The following MALRD1 variants were observed in gnomAD, a reference collection of about 807,000 sequenced individuals.
MALRD1 encodes the protein MAM and LDL-receptor class A domain-containing protein 1.
MALRD1 carries 247 observed loss-of-function variants against 242.1 expected under a neutral mutation model. That is an observed-to-expected ratio of 1.02 (90% CI 0.92 to 1.13). The LOEUF (loss-of-function observed/expected upper bound fraction) is 1.13. Among genes scored for constraint, MALRD1 ranks in the 50% most tolerant of loss-of-function variants. The pLI is 0.00. For synonymous variants in MALRD1, 995 were observed against 866.6 expected (o/e 1.15, Z -2.60); for missense variants, 2,989 against 2,533.1 (o/e 1.18, Z -3.86).
chr10:19,299,044 A>G (rs1387733800), intron 21 of MALRD1, among the ~76,000 whole-genome samples: 1 of 151,996 alleles, frequency 6.6e-6, no homozygotes, highest in Non-Finnish European at 1.5e-5. Context: ...GCAGGCTTCT[A>G]CAAAAGAGAT....
At chr10:19,048,012 C>T (rs1442649216), upstream of MALRD1, among the ~76,000 whole-genome samples, 5 of 152,124 alleles carry the variant, frequency 3.3e-5, no homozygotes, top group African/African-American at 9.7e-5. Context: ...ATAATATTCA[C>T]GCTCATAAGA....
At chr10:19,345,102 ACG>A (rs1317133723) in intron 24 of MALRD1, among the ~76,000 whole-genome samples, 5 of 152,138 alleles carry the variant, frequency 3.3e-5, no homozygotes, top group African/African-American at 1.2e-4. Flanking sequence ...CATCACAGTG[ACG>A]TGAAATTCAA....
rs557026816 is a variant in MALRD1 at position 19,188,274 on chromosome 10, C to G, written c.1951+12946C>G. Among the ~76,000 whole-genome samples the G allele has an allele frequency of 5.9e-5, 9 of 152,264 alleles. No homozygotes were observed. The East Asian group carries it at 1.2e-3, about 20-fold the overall frequency. ...ATAGTTGCTAAGCAAGGAAAATAGC[C>G]TACTAGGAGAAACTGGGACGTGGCT... On this transcript the variant is annotated intron_variant, in intron 14 of 39. Transcript: ENST00000454679.
intron 38 of MALRD1, among the ~76,000 whole-genome samples, chr10:19,713,005 T>C (rs1412073053): frequency 6.6e-6 from 1 of 150,558 alleles, no homozygotes; most frequent in African/African-American, 2.5e-5. Flanking sequence ...CAATGTTTTG[T>C]AAAATATAAT....
At chr10:19,699,373 G>A (rs1029175322) in intron 38 of MALRD1, among the ~76,000 whole-genome samples, 3 of 150,500 alleles carry the variant, frequency 2.0e-5, no homozygotes, top group African/African-American at 5.0e-5. Context: ...GCAGATCCAC[G>A]GAAGACGTGA....
intron 26 of MALRD1, among the ~76,000 whole-genome samples, chr10:19,363,322 A>G (rs574652854): frequency 6.6e-6 from 1 of 152,252 alleles, no homozygotes; most frequent in East Asian, 1.9e-4. Context: ...AGAGATAAAG[A>G]AAAGGTAACA....
At chr10:19,053,156 G>C (rs1033666818) in intron 1 of MALRD1, among the ~76,000 whole-genome samples, 3 of 152,134 alleles carry the variant, frequency 2.0e-5, no homozygotes, top group African/African-American at 7.2e-5. Flanking sequence ...TAGTCACCAG[G>C]GTTACTTAGG....
intron 29 of MALRD1, among the ~76,000 whole-genome samples, chr10:19,475,090 C>A (rs777044449): frequency 6.6e-6 from 1 of 152,196 alleles, no homozygotes; most frequent in Admixed American, 6.5e-5. Flanking sequence ...GCAGATTTTG[C>A]TGAAGGATTT....
intron 5 of MALRD1, 36 bp downstream of exon 5, chr10:19,104,111 G>T: frequency 9.0e-7 from 1 of 1,111,788 alleles, no homozygotes; most frequent in East Asian, 3.2e-5. Context: ...TCTTTACTGT[G>T]TTTAAAGATT....
At chr10:19,057,295 A>G (rs1294716235) in intron 1 of MALRD1, among the ~76,000 whole-genome samples, 3 of 152,124 alleles carry the variant, frequency 2.0e-5, no homozygotes, top group African/African-American at 7.2e-5. Flanking sequence ...AGTTGCTGGC[A>G]CCATCAAGGT....
In MALRD1 at chr10:19,158,822, T is replaced by G. The variant is rs1032051432; in HGVS notation, c.1656+3650T>G. ...CAGTATAATAATAACACTCTACAAA[T>G]CTCTCTCAAAGAGTTTTAAAAGGCC... On this transcript the variant is annotated intron_variant, in intron 12 of 39. Coordinates refer to ENST00000454679, the MANE Select transcript of MALRD1 (RefSeq NM_001142308.3). Among the ~76,000 whole-genome samples the G allele has an allele frequency of 2.0e-5, 3 of 152,188 alleles. No homozygotes were observed. The East Asian group carries it at 5.8e-4, about 29-fold the overall frequency.
chr10:19,548,247 C>A (rs1589227349), intron 32 of MALRD1, among the ~76,000 whole-genome samples: 1 of 151,790 alleles, frequency 6.6e-6, no homozygotes, highest in African/African-American at 2.4e-5. Context: ...GATTTGCCCC[C>A]CTCTGCCGCC....
chr10:19,681,784 A>C (rs555488312), intron 36 of MALRD1, among the ~76,000 whole-genome samples: 6 of 151,080 alleles, frequency 4.0e-5, no homozygotes, highest in Non-Finnish European at 8.8e-5. Flanking sequence ...ATTCTTTCTC[A>C]TCTTCATGAC....
At chr10:19,299,825 C>T (rs1841866840) in intron 21 of MALRD1, among the ~76,000 whole-genome samples, 1 of 151,884 alleles carries the variant, frequency 6.6e-6, no homozygotes, top group Non-Finnish European at 1.5e-5. Context: ...AGGATGCCCA[C>T]TCTCGTCACT....
intron 26 of MALRD1, among the ~76,000 whole-genome samples, chr10:19,369,811 C>T (rs1845294400): frequency 6.6e-6 from 1 of 151,580 alleles, no homozygotes. Context: ...ACTCTAGATG[C>T]CAGTATCATT....
chr10:19,055,328 A>C (rs1374386768), intron 1 of MALRD1, among the ~76,000 whole-genome samples: 3 of 152,118 alleles, frequency 2.0e-5, no homozygotes, highest in Non-Finnish European at 4.4e-5. Context: ...CTTTACAAAT[A>C]TTGTTTTACC....
chr10:19,502,572 A>G (rs1838023655), intron 31 of MALRD1, among the ~76,000 whole-genome samples: 2 of 152,218 alleles, frequency 1.3e-5, no homozygotes, highest in Non-Finnish European at 1.5e-5. Context: ...TGACATTTAG[A>G]TGGAACTTTT....
At chr10:19,224,682 G>T (rs1837710938) in intron 18 of MALRD1, among the ~76,000 whole-genome samples, 1 of 152,004 alleles carries the variant, frequency 6.6e-6, no homozygotes, top group Admixed American at 6.6e-5. Context: ...TTTTTGATGG[G>T]GTTGTTTTTT....
chr10:19,479,210 T>G (rs1473338959), intron 29 of MALRD1, among the ~76,000 whole-genome samples: 1 of 152,244 alleles, frequency 6.6e-6, no homozygotes, highest in African/African-American at 2.4e-5. Flanking sequence ...TGGGCAAGTT[T>G]AGTTTATCTG....
Sources: gnomAD v4.1 joint callset for allele counts (sites outside exome capture counted in the v4.1 genomes callset) on GRCh38, gnomAD v4.1.1 for gene constraint, MANE v1.5 for transcripts, NCBI Gene and HGNC (gene_info 2026-07-23, HGNC 2026-07-21) for gene names.